The following NELL1 variants were observed in gnomAD, a reference collection of about 807,000 sequenced individuals.
NELL1 encodes protein kinase C-binding protein NELL1.
Under a neutral mutation model 107.4 loss-of-function variants are expected in NELL1, and 76 were observed. The observed-to-expected ratio is 0.71, with a 90% confidence interval of 0.59 to 0.86. NELL1 has a LOEUF of 0.86. Ranked by LOEUF, NELL1 falls within the 40% of genes least tolerant of loss-of-function variation. NELL1 has a pLI of 0.00. For synonymous variants in NELL1, 353 were observed against 341.2 expected, an observed-to-expected ratio of 1.03 and a Z score of -0.38; for missense variants, 1,024 against 1,005.5, an observed-to-expected ratio of 1.02 and a Z score of -0.25.
chr11:21,472,019 T>C (rs1368568114), intron 15 of NELL1, among the ~76,000 whole-genome samples: 1 of 152,162 alleles, frequency 6.6e-6, no homozygotes, highest in East Asian at 1.9e-4. Flanking sequence ...TGAAGTTCAA[T>C]TGAGTTCAAT....
At chr11:21,461,848 A>T (rs547023441) in intron 15 of NELL1, among the ~76,000 whole-genome samples, 2 of 152,120 alleles carry the variant, frequency 1.3e-5, no homozygotes, top group Non-Finnish European at 2.9e-5. Flanking sequence ...AGTGAATACC[A>T]AATGGAAAGT....
At chr11:21,149,576 T>G (rs1856067482) in intron 13 of NELL1, among the ~76,000 whole-genome samples, 1 of 152,222 alleles carries the variant, frequency 6.6e-6, no homozygotes, top group Non-Finnish European at 1.5e-5. Context: ...TATCTCCACC[T>G]GACCCCACCG....
intron 13 of NELL1, among the ~76,000 whole-genome samples, chr11:21,193,624 A>G (rs1857092057): frequency 6.6e-6 from 1 of 151,944 alleles, no homozygotes; most frequent in Admixed American, 6.5e-5. Context: ...GGAAATGCTT[A>G]GGGAAGTTTG....
chr11:21,326,454 A>G (rs12289793), intron 14 of NELL1, among the ~76,000 whole-genome samples: 29,827 of 151,952 alleles, frequency 0.2, 3,397 homozygotes, highest in South Asian at 0.26. Flanking sequence ...CTTCATTGTT[A>G]CACATTTTAA....
chr11:20,780,479 T>G (rs930449334), intron 2 of NELL1, among the ~76,000 whole-genome samples: 2 of 152,244 alleles, frequency 1.3e-5, no homozygotes, highest in African/African-American at 4.8e-5. Context: ...ATGCCTGTTT[T>G]GTGCCAGGCA....
At chr11:20,897,920 ACAGGTG>A (rs1237265898) in intron 5 of NELL1, among the ~76,000 whole-genome samples, 1 of 152,058 alleles carries the variant, frequency 6.6e-6, no homozygotes, top group Non-Finnish European at 1.5e-5. Flanking sequence ...AGGAAACAAC[ACAGGTG>A]CTGGAGAGGA....
At chr11:21,052,547 ATCT>A (rs1488011040) in intron 12 of NELL1, among the ~76,000 whole-genome samples, 1 of 152,132 alleles carries the variant, frequency 6.6e-6, no homozygotes. Flanking sequence ...TTATCGAGTA[ATCT>A]TCTATATGCC....
intron 2 of NELL1, among the ~76,000 whole-genome samples, chr11:20,724,899 AG>A (rs1855474713): frequency 6.6e-6 from 1 of 152,216 alleles, no homozygotes. Flanking sequence ...ATTGACTCAC[AG>A]TTCTGAATGA....
intron 14 of NELL1, among the ~76,000 whole-genome samples, chr11:21,324,159 A>T (rs1269587385): frequency 6.6e-6 from 1 of 152,082 alleles, no homozygotes; most frequent in Non-Finnish European, 1.5e-5. Flanking sequence ...CCTCACTGCA[A>T]CCCTATGAGA....
At chr11:21,375,519 G>A (rs906383135) in intron 15 of NELL1, among the ~76,000 whole-genome samples, 1 of 152,126 alleles carries the variant, frequency 6.6e-6, no homozygotes, top group Non-Finnish European at 1.5e-5. Flanking sequence ...ACGAACATGT[G>A]AGTGCATGTG....
At chr11:21,170,708 TA>T (rs59541158) in intron 13 of NELL1, among the ~76,000 whole-genome samples, 5 of 60,866 alleles carry the variant, frequency 8.2e-5, no homozygotes, top group South Asian at 5.1e-4. Flanking sequence ...TACTGTATTA[TA>T]TATATATATA....
intron 15 of NELL1, among the ~76,000 whole-genome samples, chr11:21,439,666 A>G (rs1336301399): frequency 3.3e-5 from 5 of 152,184 alleles, no homozygotes; most frequent in Non-Finnish European, 7.4e-5. Flanking sequence ...ATTAGTAAGT[A>G]ATACAGCCAA....
chr11:21,397,254 C>A (rs1410033001), intron 15 of NELL1, among the ~76,000 whole-genome samples: 1 of 151,492 alleles, frequency 6.6e-6, no homozygotes, highest in African/African-American at 2.4e-5. Flanking sequence ...AAATAATTAG[C>A]ATATTAATAT....
chr11:20,750,375 A>G (rs1006319912), intron 2 of NELL1, among the ~76,000 whole-genome samples: 2 of 151,928 alleles, frequency 1.3e-5, no homozygotes, highest in Non-Finnish European at 2.9e-5. Flanking sequence ...TGGCTTATCT[A>G]TTCATATTCT....
rs1405674147 is a variant in NELL1, at chr11:20,868,851, GA to G, written c.507-16586del. Among the ~76,000 whole-genome samples the G allele has an allele frequency of 4.6e-5, 7 of 151,996 alleles. No individual in the cohort carries two copies. The East Asian group carries it at 7.7e-4, about 17-fold the overall frequency. On this transcript the variant is annotated intron_variant, in intron 4 of 19. Transcript: ENST00000357134. ...CTTAAGGCAAAAAGACCTCACAAAG[GA>G]AAAAAATTCAGGTTGCCATCAGACA...
intron 15 of NELL1, among the ~76,000 whole-genome samples, chr11:21,514,599 G>A (rs979010346): frequency 8.5e-5 from 13 of 152,266 alleles, no homozygotes; most frequent in Middle Eastern, 6.8e-3. Flanking sequence ...TTTTTTTAGA[G>A]ATGCCAGGCA....
intron 2 of NELL1, among the ~76,000 whole-genome samples, chr11:20,755,110 A>G (rs72942791): frequency 0.024 from 3,636 of 152,230 alleles, 69 homozygotes; most frequent in Non-Finnish European, 0.036. Context: ...TTTTCCCTGC[A>G]GGGGAGGGAA....
chr11:21,079,784 T>C (rs1854222839), intron 12 of NELL1, among the ~76,000 whole-genome samples: 1 of 152,110 alleles, frequency 6.6e-6, no homozygotes, highest in African/African-American at 2.4e-5. Flanking sequence ...GTGTGCTCTA[T>C]AGCACTGCCT....
chr11:20,911,997 G>T (rs1049502294), intron 5 of NELL1, among the ~76,000 whole-genome samples: 1 of 152,166 alleles, frequency 6.6e-6, no homozygotes, highest in Non-Finnish European at 1.5e-5. Flanking sequence ...TATTTATCTT[G>T]TACATGCTGC....
Sources: allele counts gnomAD v4.1 joint callset (sites outside exome capture counted in the v4.1 genomes callset), GRCh38; gene constraint gnomAD v4.1.1; transcripts MANE v1.5; gene names NCBI Gene and HGNC (gene_info 2026-07-23, HGNC 2026-07-21).